Variants in RALGAPA2 observed in about 807,000 individuals in gnomAD.
RALGAPA2 encodes the protein ral GTPase-activating protein subunit alpha-2.
Under a neutral mutation model 230.4 loss-of-function variants are expected in RALGAPA2, and 139 were observed. That is an observed-to-expected ratio of 0.60 (90% CI 0.53 to 0.69). RALGAPA2 has a LOEUF of 0.69. Among genes scored for constraint, RALGAPA2 ranks in the 30% least tolerant of loss-of-function variants. The probability of loss-of-function intolerance (pLI) is 0.00; values close to 1 mark genes in which losing one functional copy is unlikely to be tolerated. For missense variants in RALGAPA2, 2,163 were observed against 2,276.0 expected (o/e 0.95, Z 1.01); for synonymous variants, 847 against 837.8 (o/e 1.01, Z -0.19).
intron 1 of RALGAPA2, among the ~76,000 whole-genome samples, chr20:20,710,831 G>A (rs755559303): frequency 1.3e-5 from 2 of 152,152 alleles, no homozygotes; most frequent in Non-Finnish European, 1.5e-5. Flanking sequence ...AAATTTAAAC[G>A]CTAAAGCACA....
chr20:20,455,465 C>T (rs368571657), intron 37 of RALGAPA2, among the ~76,000 whole-genome samples: 14 of 152,308 alleles, frequency 9.2e-5, no homozygotes, highest in African/African-American at 3.1e-4. Context: ...CAGCTGGTCA[C>T]GAGATCCAAA....
At chr20:20,668,425 G>A (rs2068028923) in intron 3 of RALGAPA2, among the ~76,000 whole-genome samples, 1 of 151,752 alleles carries the variant, frequency 6.6e-6, no homozygotes, top group Admixed American at 6.6e-5. Flanking sequence ...GAAAAGAAAA[G>A]AAAAAAGTAA....
rs976617050 is a variant in RALGAPA2, at chr20:20,712,612, C to G, written c.-132G>C. 5.9e-6 allele frequency: 7 copies of G among 1,181,532 alleles called. No homozygotes were observed. Among genetic ancestry groups the G allele is most frequent in the South Asian group, 3.9e-5 (1 of 25,854 alleles). 73.2% of individuals were successfully genotyped at this position (1,181,532 alleles called of 1,614,324 possible). On this transcript the variant is annotated 5_prime_UTR_variant, in exon 1 of 40. Transcript: ENST00000202677. This position sits in a 1 kb window ranked among gnomAD's most constrained non-coding sequence, Gnocchi z 5.5. ...CCCCCAGCCCCGCTGCTGCCGCCGCCGCCGCCGCCGCCGCCGCCTCAGCTG... is the reference window on the plus strand; with the variant it reads ...CCCCCAGCCCCGCTGCTGCCGCCGCGGCCGCCGCCGCCGCCGCCTCAGCTG...
chr20:20,634,801 C>G (rs1190574049), intron 9 of RALGAPA2, among the ~76,000 whole-genome samples: 10 of 152,176 alleles, frequency 6.6e-5, no homozygotes, highest in Non-Finnish European at 2.9e-5. Flanking sequence ...CTAAGTAACT[C>G]AGCCTGTTGG....
At chr20:20,620,849 A>G in intron 10 of RALGAPA2, among the ~76,000 whole-genome samples, 1 of 152,210 alleles carries the variant, frequency 6.6e-6, no homozygotes, top group Non-Finnish European at 1.5e-5. Context: ...GGCGTTAAAA[A>G]TAACTTTTAT....
intron 20 of RALGAPA2, among the ~76,000 whole-genome samples, chr20:20,577,361 A>G (rs1388687944): frequency 1.3e-5 from 2 of 152,190 alleles, no homozygotes; most frequent in African/African-American, 4.8e-5. Context: ...ACACATAAAA[A>G]AAGATGTAAT....
At chr20:20,696,575 C>T (rs2069119238) in intron 1 of RALGAPA2, among the ~76,000 whole-genome samples, 2 of 152,042 alleles carry the variant, frequency 1.3e-5, no homozygotes, top group South Asian at 4.1e-4. Context: ...AGTTCCACAC[C>T]ATCTTATCCC....
intron 20 of RALGAPA2, among the ~76,000 whole-genome samples, chr20:20,579,928 C>T (rs74826351): frequency 6.6e-6 from 1 of 152,168 alleles, no homozygotes; most frequent in African/African-American, 2.4e-5. Context: ...GTCTATTTGT[C>T]TATCTCTATG....
intron 36 of RALGAPA2, among the ~76,000 whole-genome samples, chr20:20,476,723 G>T (rs1038039488): frequency 1.3e-4 from 16 of 120,270 alleles, no homozygotes. Context: ...ATAAATAAAA[G>T]AAAATACATT....
At chr20:20,681,274 T>C (rs1026936041) in intron 1 of RALGAPA2, among the ~76,000 whole-genome samples, 41 of 152,290 alleles carry the variant, frequency 2.7e-4, no homozygotes, top group African/African-American at 9.1e-4. Flanking sequence ...CATAACTCTC[T>C]GGGCATGAAA....
chr20:20,512,210 A>G (rs1306782227), intron 32 of RALGAPA2, among the ~76,000 whole-genome samples: 2 of 144,604 alleles, frequency 1.4e-5, no homozygotes, highest in Non-Finnish European at 3.0e-5. Flanking sequence ...ACAAACAACA[A>G]CAACAACCCC....
At position 20,527,527 on chromosome 20, in the gene RALGAPA2, G is replaced by C. The variant is rs549295257; in HGVS notation, c.3583-1165C>G. On this transcript the variant is annotated intron_variant, in intron 27 of 39. Coordinates refer to ENST00000202677, the MANE Select transcript of RALGAPA2 (RefSeq NM_020343.4). ...CACTTAATCCCCAGGTCTGCATGTG[G>C]CTTGCATTGTTATACCTTTCAAATT... Among the ~76,000 whole-genome samples, 13 of 152,120 alleles carry C rather than the reference G, an allele frequency of 8.5e-5. No homozygotes were observed. In the South Asian group the frequency reaches 2.7e-3, roughly 32 times the overall value.
chr20:20,616,911 C>G (rs2066162506), intron 12 of RALGAPA2, among the ~76,000 whole-genome samples: 1 of 152,188 alleles, frequency 6.6e-6, no homozygotes, highest in African/African-American at 2.4e-5. Context: ...CTTTAGCATA[C>G]AAGTTCACTG....
chr20:20,435,270 G>T (rs1006512867), intron 37 of RALGAPA2, among the ~76,000 whole-genome samples: 3 of 152,234 alleles, frequency 2.0e-5, no homozygotes, highest in African/African-American at 7.2e-5. Context: ...ACAGGCGAAT[G>T]CTGCAACAAT....
chr20:20,459,684 AAATTAT>A (rs1374313222), intron 37 of RALGAPA2, among the ~76,000 whole-genome samples: 1 of 152,168 alleles, frequency 6.6e-6, no homozygotes, highest in Non-Finnish European at 1.5e-5. Context: ...CCAATATAAT[AAATTAT>A]AATCAGCGTA....
At chr20:20,442,972 G>A (rs181377950) in intron 37 of RALGAPA2, among the ~76,000 whole-genome samples, 269 of 152,262 alleles carry the variant, frequency 1.8e-3, no homozygotes, top group African/African-American at 6.0e-3. Flanking sequence ...CAAAAGATAC[G>A]CTAGCATAGC....
chr20:20,508,701 T>C (rs2062609053), intron 33 of RALGAPA2, among the ~76,000 whole-genome samples: 1 of 152,216 alleles, frequency 6.6e-6, no homozygotes, highest in Non-Finnish European at 1.5e-5. Flanking sequence ...GACAAGGTAT[T>C]TTCTTACCTG....
At chr20:20,402,054 C>T (rs539954690) in intron 38 of RALGAPA2, among the ~76,000 whole-genome samples, 1 of 152,316 alleles carries the variant, frequency 6.6e-6, no homozygotes, top group African/African-American at 2.4e-5. Flanking sequence ...GGGTCCCCCA[C>T]AGCAGGCACG....
chr20:20,514,397 C>T (rs2062809524), intron 31 of RALGAPA2, among the ~76,000 whole-genome samples: 2 of 152,146 alleles, frequency 1.3e-5, no homozygotes, highest in Non-Finnish European at 1.5e-5. Context: ...TCTCCAGGCA[C>T]TGAGAGCTCC....
Sources: gnomAD v4.1 joint callset for allele counts (sites outside exome capture counted in the v4.1 genomes callset) on GRCh38, gnomAD v4.1.1 for gene constraint, Gnocchi (gnomAD v3.1) non-coding constraint, MANE v1.5 for transcripts, NCBI Gene and HGNC (gene_info 2026-07-23, HGNC 2026-07-21) for gene names.